Variants in ATP6V0E1 observed in about 807,000 individuals in gnomAD.
ATP6V0E1 encodes the protein ATPase H+ transporting V0 subunit e1.
In ATP6V0E1, 4 loss-of-function variants were observed where a neutral mutation model predicts 11.6. The ratio of observed to expected loss-of-function variants is 0.35; its 90% CI spans 0.17 to 0.79. ATP6V0E1 has a LOEUF of 0.79. ATP6V0E1 is among the 30% of genes least tolerant of loss of function. ATP6V0E1 has a pLI of 0.54. For missense variants in ATP6V0E1, 105 were observed against 100.0 expected, an observed-to-expected ratio of 1.05 and a Z score of -0.21; for synonymous variants, 36 against 34.8, an observed-to-expected ratio of 1.04 and a Z score of -0.13.
At chr5:172,992,101 A>G (rs1481698590) in intron 1 of ATP6V0E1, among the ~76,000 whole-genome samples, 1 of 150,132 alleles carries the variant, frequency 6.7e-6, no homozygotes, top group Non-Finnish European at 1.5e-5. Context: ...CCCAGGCTGG[A>G]GTGCAGTGGC....
At chr5:172,999,689 G>C (rs1272604292) in intron 2 of ATP6V0E1, among the ~76,000 whole-genome samples, 2 of 152,142 alleles carry the variant, frequency 1.3e-5, no homozygotes, top group Non-Finnish European at 2.9e-5. Context: ...TTGCTGTCTA[G>C]ACATTAGTCC....
intron 3 of ATP6V0E1, 50 bp from the exon 4 acceptor site, chr5:173,034,349 T>C (rs1348005136): frequency 1.4e-6 from 1 of 701,916 alleles, no homozygotes; most frequent in Non-Finnish European, 2.6e-6. Flanking sequence ...ACTTTTTGCC[T>C]TCCTGAGGAA....
At chr5:172,996,232 G>A (rs1290163640) in intron 2 of ATP6V0E1, among the ~76,000 whole-genome samples, 1 of 152,178 alleles carries the variant, frequency 6.6e-6, no homozygotes, top group African/African-American at 2.4e-5. Flanking sequence ...AAGAGAAAAT[G>A]TGGACACAAG....
At chr5:172,989,611 C>G (rs1055900862) in intron 1 of ATP6V0E1, among the ~76,000 whole-genome samples, 18 of 151,542 alleles carry the variant, frequency 1.2e-4, no homozygotes, top group Non-Finnish European at 2.2e-4. Flanking sequence ...ACTACAGCCT[C>G]TGCCTCCCGG....
intron 3 of ATP6V0E1, among the ~76,000 whole-genome samples, chr5:173,021,610 T>C (rs1014529986): frequency 6.6e-6 from 1 of 151,898 alleles, no homozygotes; most frequent in African/African-American, 2.4e-5. Flanking sequence ...CCAAACCATA[T>C]CAGGAGGGTA....
rs1350711522 is a variant in ATP6V0E1 at position 173,031,374 on chromosome 5, G to A, written c.*37-3025G>A. 4.7e-5 allele frequency among the ~76,000 whole-genome samples: 7 copies of A among 148,644 alleles called. 1 individual carries two copies. The highest frequency in any genetic ancestry group is 1.7e-4 in the African/African-American group (7 of 40,414). On this transcript the variant is annotated intron_variant, in intron 3 of 3. Coordinates refer to ENST00000519374, the MANE Select transcript of ATP6V0E1 (RefSeq NM_003945.4). ...ACTGGGATTACAGGCATGAGCCACC[G>A]CATCCGACCCTTTGTCAGTTTTATC...
intron 2 of ATP6V0E1, among the ~76,000 whole-genome samples, chr5:173,014,504 G>A (rs765691887): frequency 2.6e-5 from 4 of 152,138 alleles, no homozygotes; most frequent in Non-Finnish European, 5.9e-5. Flanking sequence ...TGCAGAAAAT[G>A]TGTTATATGT....
intron 3 of ATP6V0E1, among the ~76,000 whole-genome samples, chr5:173,024,883 G>T (rs1219188746): frequency 7.2e-6 from 1 of 138,382 alleles, no homozygotes; most frequent in Admixed American, 7.9e-5. Context: ...TCGCTCTGAC[G>T]CCAGGCTGGA....
chr5:173,019,553 C>CAA (rs370124942), intron 2 of ATP6V0E1, among the ~76,000 whole-genome samples: 3 of 130,972 alleles, frequency 2.3e-5, no homozygotes, highest in Non-Finnish European at 4.9e-5. Context: ...GACTCCATCT[C>CAA]AAAAAAAAAA....
intron 1 of ATP6V0E1, among the ~76,000 whole-genome samples, chr5:172,992,475 CT>C (rs1458412601): frequency 6.6e-6 from 1 of 152,146 alleles, no homozygotes; most frequent in Non-Finnish European, 1.5e-5. Context: ...ACACAGACCC[CT>C]TCCTCTTTGA....
rs969998259 is a variant in ATP6V0E1, at chr5:172,993,688, C to CA, written c.105-1087_105-1086insA. Among the ~76,000 whole-genome samples, 58 of 130,828 alleles carry CA rather than the reference C, an allele frequency of 4.4e-4. 2 individuals are homozygous for CA. The highest frequency in any genetic ancestry group is 1.5e-3 in the African/African-American group (53 of 34,308). The allele number at this position is 130,828 out of a possible 152,430, so 85.8% of individuals were successfully genotyped here. A position where few individuals can be genotyped will look rare whatever the true frequency, so the allele number is the denominator to read the frequency against. On this transcript the variant is annotated intron_variant, in intron 1 of 3. Transcript: ENST00000519374. Reference sequence around the variant, plus strand: ...TGGTCAACATATTGAGACCCCCCCCCCCGACCCCACCTCTCCAAAAAAAAT... The same window carrying CA: ...TGGTCAACATATTGAGACCCCCCCCCACCGACCCCACCTCTCCAAAAAAAAT...
chr5:173,030,928 T>G (rs1459009594), intron 3 of ATP6V0E1, among the ~76,000 whole-genome samples: 2 of 133,632 alleles, frequency 1.5e-5, no homozygotes, highest in Admixed American at 1.4e-4. Flanking sequence ...TTTGTATTTA[T>G]TTATTTATTT....
chr5:173,007,595 C>T (rs1300936253), intron 2 of ATP6V0E1, among the ~76,000 whole-genome samples: 8 of 152,064 alleles, frequency 5.3e-5, no homozygotes, highest in Non-Finnish European at 7.3e-5. Context: ...TAGGTAGCCA[C>T]GTAAACCAAA....
At chr5:173,009,117 T>G (rs987699472) in intron 2 of ATP6V0E1, among the ~76,000 whole-genome samples, 3 of 151,428 alleles carry the variant, frequency 2.0e-5, no homozygotes, top group African/African-American at 7.3e-5. Context: ...TCCCAGCTAC[T>G]CGGGAGGCTG....
Position 173,034,409 on chromosome 5 carries a change from GA to G in ATP6V0E1, c.*48del. 3 of 703,022 alleles carry G rather than the reference GA, an allele frequency of 4.3e-6. No individual in the cohort carries two copies. Among genetic ancestry groups the G allele is most frequent in the Non-Finnish European group, 7.8e-6 (3 of 384,992 alleles). The allele number at this position is 703,022 out of a possible 1,614,324, so 43.5% of individuals were successfully genotyped here. A position where few individuals can be genotyped will look rare whatever the true frequency, so the allele number is the denominator to read the frequency against. ...GGTTTTGTTTTGCAGGTCACGAGAAGAGAATGCCTTCTAGATGCAAAATCAC... is the reference window on the plus strand; with the variant it reads ...GGTTTTGTTTTGCAGGTCACGAGAAGGAATGCCTTCTAGATGCAAAATCAC... On this transcript the variant is annotated 3_prime_UTR_variant, in exon 4 of 4. Coordinates refer to ENST00000519374, the MANE Select transcript of ATP6V0E1 (RefSeq NM_003945.4).
intron 1 of ATP6V0E1, among the ~76,000 whole-genome samples, chr5:172,991,537 T>TG (rs1755978017): frequency 6.6e-6 from 1 of 151,924 alleles, no homozygotes; most frequent in East Asian, 1.9e-4. Context: ...TAATGTGTTT[T>TG]GGGGGACAGT....
Position 173,035,350 on chromosome 5 carries a change from G to C in ATP6V0E1, c.*988G>C, listed in dbSNP as rs1756726871. 6.6e-6 allele frequency: 1 copy of C among 152,148 alleles called. No individual in the cohort carries two copies. The highest frequency in any genetic ancestry group is 2.4e-5 in the African/African-American group (1 of 41,426). 9.4% of individuals were successfully genotyped at this position (152,148 alleles called of 1,614,324 possible). A position where few individuals can be genotyped will look rare whatever the true frequency, so the allele number is the denominator to read the frequency against. On this transcript the variant is annotated 3_prime_UTR_variant, in exon 4 of 4. Coordinates refer to ENST00000519374, the MANE Select transcript of ATP6V0E1 (RefSeq NM_003945.4). ...ATTAAAAAGCCAGGGGCAGGAGACA[G>C]TAATTTTGTATTTCAGTAGCAGGCA... is the stretch of plus-strand genomic sequence containing the variant.
chr5:172,987,223 G>T lies in ATP6V0E1; in HGVS notation c.104+3259G>T, dbSNP rs1039652264. 7 of 173,940 alleles carry T rather than the reference G, an allele frequency of 4.0e-5. No individual in the cohort carries two copies. The East Asian group carries it at 7.4e-4, about 18-fold the overall frequency. The allele number at this position is 173,940 out of a possible 1,614,324, so 10.8% of individuals were successfully genotyped here. A position where few individuals can be genotyped will look rare whatever the true frequency, so the allele number is the denominator to read the frequency against. On this transcript the variant is annotated intron_variant, in intron 1 of 3. Transcript: ENST00000519374. ...AAATAAGCTGTTCCATGTGCCTGAGGTGATCGATGGTGACCCTTGATTCCA... is the reference window on the plus strand; with the variant it reads ...AAATAAGCTGTTCCATGTGCCTGAGTTGATCGATGGTGACCCTTGATTCCA...
intron 3 of ATP6V0E1, among the ~76,000 whole-genome samples, chr5:173,031,251 T>G (rs929400169): frequency 2.0e-5 from 3 of 151,068 alleles, no homozygotes; most frequent in African/African-American, 7.3e-5. Context: ...GCCTAATTTT[T>G]GTATTTTTTT....
Sources: allele counts gnomAD v4.1 joint callset (sites outside exome capture counted in the v4.1 genomes callset), GRCh38; gene constraint gnomAD v4.1.1; transcripts MANE v1.5; gene names NCBI Gene and HGNC (gene_info 2026-07-23, HGNC 2026-07-21).